Variants in ADAMTSL1 observed in about 807,000 individuals in gnomAD.
ADAMTSL1 encodes the protein ADAMTS-like protein 1.
A neutral mutation model predicts 201.8 loss-of-function variants in ADAMTSL1; 126 were observed. The observed-to-expected ratio is 0.62, with a 90% CI of 0.54 to 0.72. ADAMTSL1 has a LOEUF of 0.72. Among genes scored for constraint, ADAMTSL1 ranks in the 30% least tolerant of loss-of-function variants. The probability of loss-of-function intolerance (pLI) is 0.00; values close to 1 mark genes in which losing one functional copy is unlikely to be tolerated. For missense variants in ADAMTSL1, 2,679 were observed against 2,277.8 expected, an observed-to-expected ratio of 1.18 and a Z score of -3.59; for synonymous variants, 1,121 against 903.4, an observed-to-expected ratio of 1.24 and a Z score of -4.32.
intron 7 of ADAMTSL1, among the ~76,000 whole-genome samples, chr9:18,650,968 A>G (rs1828205965): frequency 6.6e-6 from 1 of 152,226 alleles, no homozygotes; most frequent in South Asian, 2.1e-4. Context: ...ATAAAAGTGG[A>G]TAGATCCAAA....
chr9:18,160,720 C>T (rs1827348295), intron 1 of ADAMTSL1, among the ~76,000 whole-genome samples: 1 of 151,264 alleles, frequency 6.6e-6, no homozygotes, highest in African/African-American at 2.4e-5. Flanking sequence ...ATTTCTGTTG[C>T]CCAGGCCAGA....
In ADAMTSL1 at chr9:18,908,453, G is replaced by C; in HGVS notation, c.5194G>C (p.Asp1732His). The stretch of plus-strand genomic sequence containing the variant: ...TCCTCCTTTCCCAGTGGAGTGCAGA[G>C]ACACCACCAGGTACTGCGAGAAGGT... ...ITPCENMECRDTTRYCEKVKQ... is the reference protein window; with the variant it reads ...ITPCENMECRHTTRYCEKVKQ... Residue 1732 changes from aspartate (D) to histidine (H), a missense_variant, in exon 29 of 29, where the codon GAC (aspartate) becomes CAC (histidine). Coordinates refer to ENST00000380548, the MANE Select transcript of ADAMTSL1 (RefSeq NM_001040272.6). 6.4e-7 allele frequency: 1 copy of C among 1,558,296 alleles called. No individual in the cohort carries two copies. Among genetic ancestry groups the C allele is most frequent in the South Asian group, 1.2e-5 (1 of 84,292 alleles).
chr9:18,455,479 G>A (rs1820565677), intron 2 of ADAMTSL1, among the ~76,000 whole-genome samples: 1 of 151,334 alleles, frequency 6.6e-6, no homozygotes, highest in Non-Finnish European at 1.5e-5. Context: ...AATGCATTTT[G>A]CACTTTAATA....
At chr9:17,927,550 A>G (rs976062898) in intron 1 of ADAMTSL1, among the ~76,000 whole-genome samples, 2 of 152,058 alleles carry the variant, frequency 1.3e-5, no homozygotes, top group East Asian at 1.9e-4. Context: ...TGTGAATTCA[A>G]GCAACTTCAG....
chr9:18,022,730 C>A (rs112249597), intron 1 of ADAMTSL1, among the ~76,000 whole-genome samples: 3,460 of 152,176 alleles, frequency 0.023, 48 homozygotes, highest in Middle Eastern at 0.041. Flanking sequence ...TATAAAGAAG[C>A]ATGATTTATG....
intron 1 of ADAMTSL1, among the ~76,000 whole-genome samples, chr9:18,047,021 G>A (rs1403434687): frequency 2.6e-5 from 4 of 152,076 alleles, no homozygotes; most frequent in East Asian, 1.9e-4. Context: ...GTAATGGAAG[G>A]CAGAAAAATG....
intron 2 of ADAMTSL1, among the ~76,000 whole-genome samples, chr9:18,429,196 C>A (rs891034331): frequency 1.3e-5 from 2 of 152,102 alleles, no homozygotes; most frequent in African/African-American, 4.8e-5. Flanking sequence ...TTCTTTGCCA[C>A]TAGATCAGCT....
intron 2 of ADAMTSL1, among the ~76,000 whole-genome samples, chr9:18,169,499 A>C (rs1227246882): frequency 1.3e-5 from 2 of 152,126 alleles, no homozygotes; most frequent in Non-Finnish European, 1.5e-5. Context: ...CTGTTTTGGT[A>C]CCAGTACCAT....
At chr9:18,305,100 A>G (rs1167536032) in intron 2 of ADAMTSL1, among the ~76,000 whole-genome samples, 1 of 152,108 alleles carries the variant, frequency 6.6e-6, no homozygotes, top group African/African-American at 2.4e-5. Context: ...GGAAAGTACA[A>G]GTGGTCAGGA....
At chr9:18,287,580 T>C (rs903810614) in intron 2 of ADAMTSL1, among the ~76,000 whole-genome samples, 1 of 143,886 alleles carries the variant, frequency 6.9e-6, no homozygotes, top group Non-Finnish European at 1.5e-5. Flanking sequence ...TATGTAAATA[T>C]ATGTGTATAT....
At chr9:18,595,835 G>A (rs923341629) in intron 4 of ADAMTSL1, among the ~76,000 whole-genome samples, 2 of 152,176 alleles carry the variant, frequency 1.3e-5, no homozygotes, top group African/African-American at 4.8e-5. Context: ...GCTGTTTCTG[G>A]GCTTGAACCC....
At chr9:18,027,567 G>A (rs1411968624) in intron 1 of ADAMTSL1, among the ~76,000 whole-genome samples, 2 of 151,736 alleles carry the variant, frequency 1.3e-5, no homozygotes, top group Non-Finnish European at 2.9e-5. Context: ...ATTCCTCTGT[G>A]GTCTGAGAGT....
chr9:17,970,445 G>A (rs1818159868), intron 1 of ADAMTSL1, among the ~76,000 whole-genome samples: 1 of 151,944 alleles, frequency 6.6e-6, no homozygotes, highest in African/African-American at 2.4e-5. Flanking sequence ...GAAGCACTTG[G>A]GTGTGGAGTA....
chr9:17,931,915 A>G (rs1163355587), intron 1 of ADAMTSL1, among the ~76,000 whole-genome samples: 2 of 152,170 alleles, frequency 1.3e-5, no homozygotes, highest in Non-Finnish European at 2.9e-5. Context: ...ATGGTGAATA[A>G]TCATCTTCCC....
chr9:18,143,952 T>A (rs939291942), intron 1 of ADAMTSL1, among the ~76,000 whole-genome samples: 1 of 152,296 alleles, frequency 6.6e-6, no homozygotes, highest in Non-Finnish European at 1.5e-5. Context: ...TTTAAGACTT[T>A]CCAAAAGATT....
intron 2 of ADAMTSL1, among the ~76,000 whole-genome samples, chr9:18,352,136 G>A (rs942105789): frequency 6.6e-6 from 1 of 152,052 alleles, no homozygotes; most frequent in Non-Finnish European, 1.5e-5. Flanking sequence ...AAAATACACA[G>A]CTGTAGCTTC....
At chr9:18,577,312 C>A (rs898690558) in intron 4 of ADAMTSL1, among the ~76,000 whole-genome samples, 1 of 152,084 alleles carries the variant, frequency 6.6e-6, no homozygotes, top group Admixed American at 6.6e-5. Flanking sequence ...ACGGCGAAAC[C>A]CTGTCTGTAC....
At chr9:18,306,519 A>C (rs1833914685) in intron 2 of ADAMTSL1, among the ~76,000 whole-genome samples, 1 of 152,196 alleles carries the variant, frequency 6.6e-6, no homozygotes, top group Non-Finnish European at 1.5e-5. Flanking sequence ...GGAGCTGAAA[A>C]ACACAGCACG....
intron 23 of ADAMTSL1, among the ~76,000 whole-genome samples, chr9:18,854,392 C>T (rs1169560680): frequency 6.6e-6 from 1 of 152,074 alleles, no homozygotes; most frequent in Non-Finnish European, 1.5e-5. Flanking sequence ...TTCTTTGGGG[C>T]ACCAGTTTGT....
Sources: gnomAD v4.1 joint callset for allele counts (sites outside exome capture counted in the v4.1 genomes callset) on GRCh38, gnomAD v4.1.1 for gene constraint, MANE v1.5 for transcripts, NCBI Gene and HGNC (gene_info 2026-07-23, HGNC 2026-07-21) for gene names.